Variants in ENPP2 observed in about 807,000 individuals in gnomAD.
The protein encoded by ENPP2 is autotaxin.
A neutral mutation model predicts 120.2 loss-of-function variants in ENPP2; 51 were observed. The ratio of observed to expected loss-of-function variants is 0.42; its 90% CI spans 0.34 to 0.54. The LOEUF (loss-of-function observed/expected upper bound fraction) is 0.54. Among genes scored for constraint, ENPP2 ranks in the 20% least tolerant of loss-of-function variants. The pLI is 0.04. For missense variants in ENPP2, 920 were observed against 1,066.5 expected, an observed-to-expected ratio of 0.86 and a Z score of 1.91; for synonymous variants, 365 against 366.4, an observed-to-expected ratio of 1.00 and a Z score of 0.04.
intron 19 of ENPP2, among the ~76,000 whole-genome samples, chr8:119,575,853 C>A (rs560555348): frequency 6.6e-6 from 1 of 152,294 alleles, no homozygotes; most frequent in South Asian, 2.1e-4. Flanking sequence ...AAAATTCAAT[C>A]TACCATCAAA....
intron 19 of ENPP2, among the ~76,000 whole-genome samples, chr8:119,578,821 G>A (rs1587372623): frequency 3.3e-5 from 5 of 152,268 alleles, no homozygotes. Flanking sequence ...GGGAGAAGTG[G>A]GATGATGGAG....
chr8:119,562,069 G>A (rs989234635), intron 24 of ENPP2, among the ~76,000 whole-genome samples: 4 of 151,844 alleles, frequency 2.6e-5, no homozygotes, highest in Admixed American at 1.3e-4. Flanking sequence ...CCCGGGAGGC[G>A]GAGCTTGCAG....
chr8:119,638,236 G>A (rs188990147), intron 2 of ENPP2, among the ~76,000 whole-genome samples, 189 bp downstream of exon 2: 1 of 152,234 alleles, frequency 6.6e-6, no homozygotes, highest in Admixed American at 6.5e-5. Context: ...AATCATAAAT[G>A]TTCTCTAATG....
chr8:119,642,353 G>A (rs185595331), upstream of ENPP2, among the ~76,000 whole-genome samples: 940 of 151,940 alleles, frequency 6.2e-3, 11 homozygotes, highest in African/African-American at 0.022. Flanking sequence ...GACATACTTT[G>A]TTTAGGGAAA....
At chr8:119,644,446 G>A (rs915295312) in intron 1 of ENPP2, among the ~76,000 whole-genome samples, 3 of 151,410 alleles carry the variant, frequency 2.0e-5, no homozygotes, top group African/African-American at 7.3e-5. Flanking sequence ...TATACTCAGT[G>A]AAGTCACTTC....
intron 19 of ENPP2, among the ~76,000 whole-genome samples, chr8:119,574,343 T>C (rs1812187757): frequency 6.6e-6 from 1 of 151,584 alleles, no homozygotes; most frequent in African/African-American, 2.4e-5. Flanking sequence ...GAGACTAGCC[T>C]GCAAGCCTCT....
At chr8:119,623,249 A>C (rs1816032908) in intron 3 of ENPP2, among the ~76,000 whole-genome samples, 2 of 152,060 alleles carry the variant, frequency 1.3e-5, no homozygotes, top group Admixed American at 1.3e-4. Flanking sequence ...GTGGATCGTG[A>C]GGTCAGGAGT....
intron 19 of ENPP2, 49 bp downstream of exon 19, chr8:119,580,067 T>C (rs755534007): frequency 7.4e-7 from 1 of 1,355,226 alleles, no homozygotes; most frequent in East Asian, 2.3e-5. Context: ...CTTTTCGATT[T>C]TCGAAAACGA....
chr8:119,614,965 T>A (rs1052942978), intron 8 of ENPP2, among the ~76,000 whole-genome samples: 5 of 152,184 alleles, frequency 3.3e-5, no homozygotes, highest in African/African-American at 9.7e-5. Flanking sequence ...AAGAAGTCTT[T>A]CAATGTTTAT....
intron 1 of ENPP2, among the ~76,000 whole-genome samples, chr8:119,649,909 G>A (rs1817579959): frequency 6.6e-6 from 1 of 152,196 alleles, no homozygotes. Flanking sequence ...CAAACTGTTA[G>A]GAAGGATGTG....
At chr8:119,585,812 T>A (rs1813067909) in intron 15 of ENPP2, among the ~76,000 whole-genome samples, 1 of 152,034 alleles carries the variant, frequency 6.6e-6, no homozygotes, top group African/African-American at 2.4e-5. Context: ...ACAAGCAAAG[T>A]CTCAACAACC....
chr8:119,572,313 T>C, intron 19 of ENPP2: 1 of 1,215,254 alleles, frequency 8.2e-7, no homozygotes, highest in South Asian at 1.3e-5. Flanking sequence ...TAAGTTTTCA[T>C]GGTTACCACA....
At chr8:119,661,732 A>G (rs1817926341) in intron 1 of ENPP2, among the ~76,000 whole-genome samples, 1 of 152,188 alleles carries the variant, frequency 6.6e-6, no homozygotes, top group South Asian at 2.1e-4. Context: ...TGTTTATTGC[A>G]GCATTATTCA....
chr8:119,590,064 C>G (rs4304355), intron 13 of ENPP2, among the ~76,000 whole-genome samples: 8,538 of 152,236 alleles, frequency 0.056, 333 homozygotes, highest in Non-Finnish European at 0.084. Context: ...TCCTAGGAAC[C>G]CCCACAGTCC....
At chr8:119,578,574 C>T (rs1812509155) in intron 19 of ENPP2, 2 of 152,108 alleles carry the variant, frequency 1.3e-5, no homozygotes, top group Admixed American at 6.6e-5. Context: ...ATTTATCTGC[C>T]TTGGCAACTA....
intron 1 of ENPP2, among the ~76,000 whole-genome samples, chr8:119,646,464 CTTCT>C (rs2130863346): frequency 6.6e-6 from 1 of 152,286 alleles, no homozygotes; most frequent in African/African-American, 2.4e-5. Flanking sequence ...CCACCAGGTG[CTTCT>C]GATGCGAGTT....
At chr8:119,673,110 G>A (rs1397931636) in intron 1 of ENPP2, 15 of 683,146 alleles carry the variant, frequency 2.2e-5, no homozygotes, top group Non-Finnish European at 3.5e-5. Context: ...CTCCAGCTGA[G>A]TGCACGGGAA....
At chr8:119,671,506 T>C (rs1002850) in intron 1 of ENPP2, among the ~76,000 whole-genome samples, 50,358 of 151,692 alleles carry the variant, frequency 0.33, 8,639 homozygotes, top group East Asian at 0.51. Flanking sequence ...TCAGACAGGG[T>C]TTGGTGATGA....
At chr8:119,617,759 G>A (rs1815573228) in intron 5 of ENPP2, among the ~76,000 whole-genome samples, 196 bp from the exon 6 acceptor site, 1 of 152,036 alleles carries the variant, frequency 6.6e-6, no homozygotes. Flanking sequence ...GACCAGCCTG[G>A]CAACATGGTG....
Sources: gnomAD v4.1 joint callset for allele counts (sites outside exome capture counted in the v4.1 genomes callset) on GRCh38, gnomAD v4.1.1 for gene constraint, MANE v1.5 for transcripts, NCBI Gene and HGNC (gene_info 2026-07-23, HGNC 2026-07-21) for gene names.